Variants in ANO8 observed in about 807,000 individuals in gnomAD.
ANO8 encodes the protein anoctamin-8.
Under a neutral mutation model 120.4 loss-of-function variants are expected in ANO8, and 67 were observed. The ratio of observed to expected loss-of-function variants is 0.56; its 90% confidence interval spans 0.46 to 0.68. The LOEUF is 0.68. Ranked by LOEUF, ANO8 falls within the 30% of genes least tolerant of loss-of-function variation. ANO8 has a pLI of 0.00. For missense variants in ANO8, 1,526 were observed against 1,737.6 expected, an observed-to-expected ratio of 0.88 and a Z score of 2.16; for synonymous variants, 727 against 759.2, an observed-to-expected ratio of 0.96 and a Z score of 0.70.
rs754247184 is a variant in ANO8, at chr19:17,330,249, C to G, written c.1149G>C (p.Glu383Asp). Residue 383 changes from glutamate to aspartate, a missense_variant and splice_region_variant, in exon 10 of 18, where the codon GAG (glutamate) becomes GAC (aspartate). Physicochemically the swap from Glu to Asp is conservative, Grantham distance 45. This residue lies in a region of ANO8 where 91 missense variants were observed against 85.3 expected (regional missense o/e 1.07). Transcript: ENST00000159087. ...GCAACCCCTTCACGCTCAGCACCAGCTCCTGCGGGAGAAGGGGGTTCAGGG... is the reference window on the plus strand; with the variant it reads ...GCAACCCCTTCACGCTCAGCACCAGGTCCTGCGGGAGAAGGGGGTTCAGGG... ...LLMLGCFQLQ[E>D]LVLSVKGLPR... 1 of 1,613,894 alleles carries G rather than the reference C, an allele frequency of 6.2e-7. No homozygotes were observed. Among genetic ancestry groups the G allele is most frequent in the Non-Finnish European group, 8.5e-7 (1 of 1,180,024 alleles).
intron 5 of ANO8, among the ~76,000 whole-genome samples, chr19:17,331,681 C>G (rs900770189): frequency 6.7e-6 from 1 of 149,900 alleles, no homozygotes; most frequent in Non-Finnish European, 1.5e-5. Flanking sequence ...CAGTCTCACT[C>G]TGTCGCCCAG....
Position 17,328,424 on chromosome 19 carries a change from G to C in ANO8, c.1964C>G (p.Thr655Ser). Residue 655 changes from threonine to serine, a missense_variant, in exon 13 of 18, where the codon ACC (threonine) becomes AGC (serine). By Grantham distance (58) the Thr-to-Ser change is moderately conservative (BLOSUM62 1). This residue lies in a region of ANO8 where 467 missense variants were observed against 425.8 expected (regional missense o/e 1.10). Transcript: ENST00000159087. ...CGCCTCGTCGTCCTCCTCGGCCAGG[G>C]TGAACACTCCCGGCTCCAGCCCCTT... The part of the protein sequence containing the change: ...VEKGLEPGVF[T>S]LAEEDDEAEG... 1 of 1,576,688 alleles carries C rather than the reference G, an allele frequency of 6.3e-7. No homozygotes were observed. Among genetic ancestry groups the C allele is most frequent in the Middle Eastern group, 1.8e-4 (1 of 5,582 alleles).
In ANO8 at chr19:17,334,731, A is replaced by C. The variant is rs1045729687; in HGVS notation, c.-61T>G. ...CCGGGCGACGGGGAGCCGCGGGCTC[A>C]TGGGGCCGGTGCAGCCGCGGAGCGC... On this transcript the variant is annotated 5_prime_UTR_variant, in exon 1 of 18. The change abolishes an upstream ATG in the 5' untranslated region. Transcript: ENST00000159087. The C allele has an allele frequency of 3.1e-6, 4 of 1,297,430 alleles. No individual in the cohort carries two copies. Among genetic ancestry groups the C allele is most frequent in the Non-Finnish European group, 4.0e-6 (4 of 1,007,678 alleles). 80.4% of individuals were successfully genotyped at this position (1,297,430 alleles called of 1,614,324 possible).
Position 17,324,800 on chromosome 19 carries a change from C to T in ANO8, c.3248G>A (p.Ser1083Asn), listed in dbSNP as rs1183165235. ...CGGCCCACTCCTCTGAACCCGGCTG[C>T]TGCCACTGCTGGGGGTCCCATCTGG... ...ARPDGTPSSG[S>N]SRVQRSGPVD... Residue 1083 changes from serine to asparagine, a missense_variant, in exon 17 of 18, where the codon AGC becomes AAC. Physicochemically the swap from Ser to Asn is conservative, Grantham distance 46. Transcript: ENST00000159087. 8.1e-6 allele frequency: 13 copies of T among 1,596,614 alleles called. No individual in the cohort carries two copies. Among genetic ancestry groups the T allele is most frequent in the African/African-American group, 1.3e-5 (1 of 74,366 alleles).
At position 17,323,872 on chromosome 19, in the gene ANO8, G is replaced by T; in HGVS notation, c.3344C>A (p.Ala1115Asp). ...PEEEGSGTAL[A>D]PVGAPALRTR... ...GCGGAGGGCAGGGGCGCCCACGGGG[G>T]CCAGCGCTGTCCCTGCGGAGGCGAG... Residue 1115 changes from alanine (A) to aspartate (D), a missense_variant, in exon 18 of 18, where the codon GCC becomes GAC. Physicochemically the swap from Ala to Asp is moderately radical, Grantham distance 126. Transcript: ENST00000159087. 8.9e-7 allele frequency: 1 copy of T among 1,121,564 alleles called. No homozygotes were observed. Among genetic ancestry groups the T allele is most frequent in the Non-Finnish European group, 1.1e-6 (1 of 917,070 alleles). The allele number at this position is 1,121,564 out of a possible 1,614,324, so 69.5% of individuals were successfully genotyped here.
chr19:17,328,098 C>A lies in ANO8; in HGVS notation c.2226+64G>T. The stretch of plus-strand genomic sequence containing the variant: ...CACTCCCACCCCCACGGCCTTCACC[C>A]TCGGACGGTGTGTCCCGTCCCCGGC... On this transcript the variant is annotated intron_variant, in intron 13 of 17. Coordinates refer to ENST00000159087, the MANE Select transcript of ANO8 (RefSeq NM_020959.3). 2.9e-6 allele frequency: 4 copies of A among 1,375,538 alleles called. No individual in the cohort carries two copies. The South Asian group carries it at 4.3e-5, about 15-fold the overall frequency. The allele number at this position is 1,375,538 out of a possible 1,614,324, so 85.2% of individuals were successfully genotyped here.
chr19:17,329,095 C>T, intron 12 of ANO8, 112 bp from the exon 13 acceptor site: 1 of 842,208 alleles, frequency 1.2e-6, no homozygotes, highest in East Asian at 3.4e-5. Context: ...CAGACACACG[C>T]CGAATCCGGT....
In ANO8 at chr19:17,328,158, TCA is replaced by T; in HGVS notation, c.2226+2_2226+3del. On this transcript the variant is annotated splice_donor_variant and splice_donor_region_variant and intron_variant, in intron 13 of 17. Transcript: ENST00000159087. LOFTEE classifies it high-confidence loss of function. ...CCCCCTGCGAGGCCCCGCCCCCTCC[TCA>T]CCTCGTACTTCTTCATACAGCTCTC... is the stretch of plus-strand genomic sequence containing the variant. The T allele has an allele frequency of 7.8e-7, 1 of 1,280,592 alleles. No homozygotes were observed. Among genetic ancestry groups the T allele is most frequent in the African/African-American group, 1.6e-5 (1 of 63,560 alleles). The allele number at this position is 1,280,592 out of a possible 1,614,324, so 79.3% of individuals were successfully genotyped here. A position where few individuals can be genotyped will look rare whatever the true frequency, so the allele number is the denominator to read the frequency against.
At chr19:17,326,043 C>T (rs752571609) in intron 16 of ANO8, among the ~76,000 whole-genome samples, 1 of 152,250 alleles carries the variant, frequency 6.6e-6, no homozygotes, top group Non-Finnish European at 1.5e-5. Context: ...CTGAATGAAT[C>T]CCTGGACCCA....
At position 17,325,337 on chromosome 19, in the gene ANO8, C is replaced by T. The variant is rs770119985; in HGVS notation, c.2711G>A (p.Arg904Gln). 15 of 1,601,674 alleles carry T rather than the reference C, an allele frequency of 9.4e-6. No homozygotes were observed. Among genetic ancestry groups the T allele is most frequent in the African/African-American group, 5.3e-5 (4 of 74,904 alleles). The change falls in exon 17 of 18, where the codon CGG becomes CAG. Residue 904 changes from arginine (R) to glutamine (Q), a missense_variant. By Grantham distance (43) the Arg-to-Gln change is conservative. Coordinates refer to ENST00000159087, the MANE Select transcript of ANO8 (RefSeq NM_020959.3). Reference protein sequence around the residue: ...QHRYQQQQRRRREEEERQRHA... With the variant: ...QHRYQQQQRRQREEEERQRHA... The stretch of plus-strand genomic sequence containing the variant: ...GCGCTGTCGCTCCTCCTCCTCCCGC[C>T]GCCTGCGCTGCTGCTGCTGGTAGCG...
At chr19:17,330,327 G>A (rs1188224340) in intron 9 of ANO8, 25 bp downstream of exon 9, 1 of 1,610,010 alleles carries the variant, frequency 6.2e-7, no homozygotes, top group Non-Finnish European at 8.5e-7. Context: ...CCAAGGACAG[G>A]GCGGGTGAGG....
In ANO8 at chr19:17,324,725, T is replaced by G; in HGVS notation, c.3323A>C (p.Glu1108Ala). 1 of 1,523,440 alleles carries G rather than the reference T, an allele frequency of 6.6e-7. No individual in the cohort carries two copies. Among genetic ancestry groups the G allele is most frequent in the Admixed American group, 2.2e-5 (1 of 45,136 alleles). 94.4% of individuals were successfully genotyped at this position (1,523,440 alleles called of 1,614,324 possible). A position where few individuals can be genotyped will look rare whatever the true frequency, so the allele number is the denominator to read the frequency against. ...GAGTTAAAGCTTGTGACCTGAGCCT[T>G]CCTCTTCGGGCCGGGGGGCTTCCAG... ...EELEAPRPEE[E>A]GSGTALAPVG... Residue 1108 changes from glutamate (E) to alanine (A), a missense_variant, in exon 17 of 18, where the codon GAA becomes GCA. Around this residue, in one of 8 missense-constraint regions of ANO8, gnomAD observed 489 missense variants for 548.6 expected, o/e 0.89. Transcript: ENST00000159087.
intron 5 of ANO8, 98 bp from the exon 6 acceptor site, chr19:17,331,509 G>T: frequency 9.5e-7 from 1 of 1,047,202 alleles, no homozygotes; most frequent in Non-Finnish European, 1.5e-6. Context: ...CTTTTTGCCT[G>T]CTCTTAAACC....
intron 8 of ANO8, 100 bp from the exon 9 acceptor site, chr19:17,330,604 G>A (rs2074310547): frequency 1.4e-6 from 2 of 1,428,714 alleles, no homozygotes; most frequent in African/African-American, 2.9e-5. Flanking sequence ...CCTCCATCAT[G>A]CGGAGGTGAC....
rs549978659 is a variant in ANO8, at chr19:17,334,727, G to A, written c.-57C>T. On this transcript the variant is annotated 5_prime_UTR_variant, in exon 1 of 18. Transcript: ENST00000159087. ...CGGCCCGGGCGACGGGGAGCCGCGG[G>A]CTCATGGGGCCGGTGCAGCCGCGGA... The A allele has an allele frequency of 2.1e-5, 27 of 1,303,346 alleles. No individual in the cohort carries two copies. In the East Asian group the frequency reaches 7.7e-4, roughly 37 times the overall value. The allele number at this position is 1,303,346 out of a possible 1,614,324, so 80.7% of individuals were successfully genotyped here.
intron 13 of ANO8, 21 bp from the exon 14 acceptor site, chr19:17,327,901 G>C: frequency 1.2e-6 from 2 of 1,607,358 alleles, no homozygotes; most frequent in South Asian, 2.2e-5. Context: ...GCGGGCCTCA[G>C]ACCTGGAAGC....
Position 17,327,226 on chromosome 19 carries a change from C to T in ANO8, c.2661+9G>A, listed in dbSNP as rs1320758761. 6 of 1,522,684 alleles carry T rather than the reference C, an allele frequency of 3.9e-6. No individual in the cohort carries two copies. The highest frequency in any genetic ancestry group is 5.3e-6 in the Non-Finnish European group (6 of 1,129,618). The allele number at this position is 1,522,684 out of a possible 1,614,324, so 94.3% of individuals were successfully genotyped here. On this transcript the variant is annotated intron_variant, in intron 16 of 17. Transcript: ENST00000159087. ...AATGAGAAAACCGAGCCCAGCCTGG[C>T]CCCCCTACCTTAAAGGCCTCGCGGC... is the stretch of plus-strand genomic sequence containing the variant.
chr19:17,330,486 G>T lies in ANO8; in HGVS notation c.1012C>A (p.Pro338Thr). Residue 338 changes from proline to threonine, a missense_variant, in exon 9 of 18, where the codon CCC becomes ACC. Pro to Thr is a conservative substitution (Grantham distance 38). Coordinates refer to ENST00000159087, the MANE Select transcript of ANO8 (RefSeq NM_020959.3). ...TAGAACTCCTCGGCCCGCGTGATGG[G>T]GCTGATACGTCGCACGCCCTGATGG... ...PQFRGVRRIS[P>T]ITRAEEFYYP... 6.5e-7 allele frequency: 1 copy of T among 1,539,544 alleles called. No homozygotes were observed. The highest frequency in any genetic ancestry group is 2.0e-5 in the Admixed American group (1 of 50,544).
At position 17,327,918 on chromosome 19, in the gene ANO8, C is replaced by T. The variant is rs756837714; in HGVS notation, c.2227-38G>A. On this transcript the variant is annotated intron_variant, in intron 13 of 17. Coordinates refer to ENST00000159087, the MANE Select transcript of ANO8 (RefSeq NM_020959.3). ...GGGCCTCAGACCTGGAAGCCTCTTC[C>T]CTGGGACAATCTTTCTCCCATTGAG... The T allele has an allele frequency of 6.9e-6, 11 of 1,597,170 alleles. No homozygotes were observed. In the Admixed American group the frequency reaches 1.9e-4, roughly 27 times the overall value.
Sources: allele counts gnomAD v4.1 joint callset (sites outside exome capture counted in the v4.1 genomes callset), GRCh38; gene constraint gnomAD v4.1.1; regional missense constraint gnomAD v4.1.1; transcripts MANE v1.5; gene names NCBI Gene and HGNC (gene_info 2026-07-23, HGNC 2026-07-21).